The following CHRNE variants were observed in gnomAD, a reference collection of about 807,000 sequenced individuals.
CHRNE encodes acetylcholine receptor subunit epsilon.
A neutral mutation model predicts 56.5 loss-of-function variants in CHRNE; 58 were observed. The observed-to-expected ratio is 1.03, with a 90% confidence interval of 0.83 to 1.28. The LOEUF (loss-of-function observed/expected upper bound fraction) is 1.28. CHRNE is among the 50% of genes most tolerant of loss of function. CHRNE has a pLI of 0.00. For missense variants in CHRNE, 793 were observed against 688.9 expected (o/e 1.15, Z -1.69); for synonymous variants, 385 against 297.9 (o/e 1.29, Z -3.01).
rs55770091 is a variant in CHRNE, at chr17:4,902,744, G to C, written c.66C>G (p.Asn22Lys). 5 of 1,613,974 alleles carry C rather than the reference G, an allele frequency of 3.1e-6. No individual in the cohort carries two copies. Among genetic ancestry groups the C allele is most frequent in the South Asian group, 2.2e-5 (2 of 91,070 alleles). ...GATGGTGATAAAGACGCAGTTCCTC[G>C]TTCTTCCCCACACCCCTGCCTGCGA... ...LGLLGRGVGKNEELRLYHHLF... is the reference protein window; with the variant it reads ...LGLLGRGVGKKEELRLYHHLF... The change falls in exon 2 of 12, where the codon AAC (asparagine) becomes AAG (lysine). Residue 22 changes from asparagine to lysine, a missense_variant. Transcript: ENST00000649488. The surrounding 1 kb of genome is among the most constrained non-coding windows in gnomAD (Gnocchi z 4.0).
chr17:4,902,438 G>A lies in CHRNE; in HGVS notation c.234+12C>T. ...GGACAAGACCTCACACCATTCCCCA[G>A]ATTTGACTCACGATTCCAATCCAGA... is the stretch of plus-strand genomic sequence containing the variant. On this transcript the variant is annotated intron_variant, in intron 3 of 11. Coordinates refer to ENST00000649488, the MANE Select transcript of CHRNE (RefSeq NM_000080.4). This position sits in a 1 kb window ranked among gnomAD's most constrained non-coding sequence, Gnocchi z 4.0. The A allele has an allele frequency of 6.2e-7, 1 of 1,614,204 alleles. No homozygotes were observed. Among genetic ancestry groups the A allele is most frequent in the South Asian group, 1.1e-5 (1 of 91,088 alleles).
Position 4,899,219 on chromosome 17 carries a change from G to T in CHRNE, c.1198C>A (p.His400Asn), listed in dbSNP as rs1352230939. 6.2e-7 allele frequency: 1 copy of T among 1,606,386 alleles called. No homozygotes were observed. Among genetic ancestry groups the T allele is most frequent in the African/African-American group, 1.3e-5 (1 of 74,920 alleles). Residue 400 changes from histidine (H) to asparagine (N), a missense_variant, in exon 10 of 12, where the codon CAC becomes AAC. Transcript: ENST00000649488. The part of the protein sequence containing the change: ...RSELVFEGQR[H>N]RQGTWTAAFC... ...TCACCCGTCCAGGTCCCCTGCCGGT[G>T]CCTCTGCCCCTCAAACACGAGCTCG...
Position 4,901,949 on chromosome 17 carries a change from G to T in CHRNE, c.483C>A (p.Asn161Lys), listed in dbSNP as rs1268757188. ...CTTCCCACCGGAAAATAAGCGAACA[G>T]TTCTGCCAATCGAAGGGGAAGTAGG... ...EVTYFPFDWQNCSLIFRSQTY... is the reference protein window; with the variant it reads ...EVTYFPFDWQKCSLIFRSQTY... Residue 161 changes from asparagine to lysine, a missense_variant, in exon 5 of 12, where the codon AAC becomes AAA. Coordinates refer to ENST00000649488, the MANE Select transcript of CHRNE (RefSeq NM_000080.4). The T allele has an allele frequency of 1.2e-6, 2 of 1,607,104 alleles. No individual in the cohort carries two copies. Among genetic ancestry groups the T allele is most frequent in the African/African-American group, 2.7e-5 (2 of 74,504 alleles).
Position 4,901,918 on chromosome 17 carries a change from G to A in CHRNE, c.500+14C>T, listed in dbSNP as rs1451355802. ...CAACAATAATCGTCCGGGCCTCGGAGTAGCTCTTCCCACCGGAAAATAAGC... is the reference window on the plus strand; with the variant it reads ...CAACAATAATCGTCCGGGCCTCGGAATAGCTCTTCCCACCGGAAAATAAGC... On this transcript the variant is annotated intron_variant, in intron 5 of 11. Coordinates refer to ENST00000649488, the MANE Select transcript of CHRNE (RefSeq NM_000080.4). 3 of 1,612,808 alleles carry A rather than the reference G, an allele frequency of 1.9e-6. No homozygotes were observed. Among genetic ancestry groups the A allele is most frequent in the Non-Finnish European group, 2.5e-6 (3 of 1,179,588 alleles).
At chr17:4,903,755 C>CA (rs1327998861), upstream of CHRNE, among the ~76,000 whole-genome samples, 1 of 152,146 alleles carries the variant, frequency 6.6e-6, no homozygotes, top group Non-Finnish European at 1.5e-5. Context: ...ACCTTGTGGT[C>CA]ACAGATGATA....
intron 8 of CHRNE, 94 bp downstream of exon 8, chr17:4,900,699 G>A: frequency 2.0e-6 from 3 of 1,471,900 alleles, no homozygotes; most frequent in Non-Finnish European, 2.8e-6. Flanking sequence ...CCAGGGCGGG[G>A]CGAGACAGCC....
chr17:4,900,744 GCCCCCACCCTTCACACTGGCCACA>G (rs775985643), intron 8 of CHRNE, 25 bp downstream of exon 8: 2 of 1,565,924 alleles, frequency 1.3e-6, no homozygotes, highest in Non-Finnish European at 1.7e-6. Context: ...TTTTGGCCAC[GCCCCCACCCTTCACACTGGCCACA>G]CCCCCGCGGG....
intron 9 of CHRNE, 38 bp downstream of exon 9, chr17:4,899,430 C>CACCCCGACCCGGGCT (rs753193995): frequency 3.0e-5 from 47 of 1,551,346 alleles, no homozygotes; most frequent in Non-Finnish European, 3.9e-5. Flanking sequence ...TACGAAGCCC[C>CACCCCGACCCGGGCT]ACCCCGACCC....
intron 8 of CHRNE, chr17:4,900,550 G>T: frequency 6.4e-7 from 1 of 1,550,442 alleles, no homozygotes; most frequent in Non-Finnish European, 8.7e-7. Context: ...GAGGCGGCGG[G>T]GCTAGGGAGG....
Position 4,902,391 on chromosome 17 carries a change from T to C in CHRNE, c.234+59A>G. The C allele has an allele frequency of 1.2e-6, 2 of 1,612,450 alleles. No homozygotes were observed. Among genetic ancestry groups the C allele is most frequent in the Non-Finnish European group, 1.7e-6 (2 of 1,179,178 alleles). On this transcript the variant is annotated intron_variant, in intron 3 of 11. Coordinates refer to ENST00000649488, the MANE Select transcript of CHRNE (RefSeq NM_000080.4). The surrounding 1 kb of genome is among the most constrained non-coding windows in gnomAD (Gnocchi z 4.0). ...CCCACCTGGCGCTGCCTGGGAGGGG[T>C]TTGGGGGAAAAGGGGTGCCCTGGAC...
In CHRNE at chr17:4,900,702, A is replaced by C. The variant is rs377633497; in HGVS notation, c.917+91T>G. 1,882 of 1,471,150 alleles carry C rather than the reference A, an allele frequency of 1.3e-3. 46 individuals carry two copies. The South Asian group carries it at 0.022, about 17-fold the overall frequency. 91.1% of individuals were successfully genotyped at this position (1,471,150 alleles called of 1,614,324 possible). ...TCCGAATAAAGCCCAGGGCGGGGCG[A>C]GACAGCCAGAGCTTTTCCCGGGGTC... On this transcript the variant is annotated intron_variant, in intron 8 of 11. Transcript: ENST00000649488.
At chr17:4,904,639 G>C (rs1372151977), upstream of CHRNE, among the ~76,000 whole-genome samples, 1 of 152,176 alleles carries the variant, frequency 6.6e-6, no homozygotes. Context: ...TCGGGATCCA[G>C]GGTCACACAA....
intron 8 of CHRNE, chr17:4,900,014 A>G: frequency 6.4e-7 from 1 of 1,551,540 alleles, no homozygotes; most frequent in African/African-American, 1.4e-5. Flanking sequence ...GCAGAGGTTC[A>G]GAGAGCTGAA....
chr17:4,902,022 G>C lies in CHRNE; in HGVS notation c.410C>G (p.Thr137Arg), dbSNP rs146089157. 1.2e-6 allele frequency: 2 copies of C among 1,614,110 alleles called. No individual in the cohort carries two copies. Among genetic ancestry groups the C allele is most frequent in the African/African-American group, 1.3e-5 (1 of 75,076 alleles). Residue 137 changes from threonine to arginine, a missense_variant, in exon 5 of 12, where the codon ACG (threonine) becomes AGG (arginine). Physicochemically the swap from Thr to Arg is moderately conservative, Grantham distance 71 (BLOSUM62 -1). Coordinates refer to ENST00000649488, the MANE Select transcript of CHRNE (RefSeq NM_000080.4). This position sits in a 1 kb window ranked among gnomAD's most constrained non-coding sequence, Gnocchi z 4.0. ...GCGGTAGATGGCCGGAGGCAGCCACGTCACGGAGCCGCCCTCGTAGACGAG... is the reference window on the plus strand; with the variant it reads ...GCGGTAGATGGCCGGAGGCAGCCACCTCACGGAGCCGCCCTCGTAGACGAG... ...NVLVYEGGSVTWLPPAIYRSV... is the reference protein window; with the variant it reads ...NVLVYEGGSVRWLPPAIYRSV...
In CHRNE at chr17:4,902,067, A is replaced by T. The variant is rs1189824314; in HGVS notation, c.365T>A (p.Val122Glu). 3.1e-6 allele frequency: 5 copies of T among 1,613,830 alleles called. No individual in the cohort carries two copies. Among genetic ancestry groups the T allele is most frequent in the Non-Finnish European group, 3.4e-6 (4 of 1,179,998 alleles). Residue 122 changes from valine (V) to glutamate (E), a missense_variant, in exon 5 of 12, where the codon GTG becomes GAG. Coordinates refer to ENST00000649488, the MANE Select transcript of CHRNE (RefSeq NM_000080.4). This position sits in a 1 kb window ranked among gnomAD's most constrained non-coding sequence, Gnocchi z 4.0. Reference protein sequence around the residue: ...LENNIDGQFGVAYDANVLVYE... With the variant: ...LENNIDGQFGEAYDANVLVYE... ...GACGAGCACGTTGGCGTCGTAGGCC[A>T]CTCCGAACTGGCCATCAATACTGTG...
chr17:4,905,889 G>C (rs1970087461), upstream of CHRNE, among the ~76,000 whole-genome samples: 1 of 152,116 alleles, frequency 6.6e-6, no homozygotes, highest in African/African-American at 2.4e-5. Context: ...GTTTCTCCTA[G>C]GTTTCCTGTA....
intron 8 of CHRNE, 114 bp downstream of exon 8, chr17:4,900,679 C>G: frequency 6.9e-7 from 1 of 1,449,304 alleles, no homozygotes; most frequent in Non-Finnish European, 9.4e-7. Flanking sequence ...ACCCAGCGTC[C>G]GAATAAAGCC....
Position 4,898,960 on chromosome 17 carries a change from GGCCTCTGCCTCGCTCCACCC to G in CHRNE, c.1326+21_1326+40del, listed in dbSNP as rs147753790. The G allele has an allele frequency of 0.1, 158,883 of 1,560,684 alleles. 15,467 individuals carry two copies. Among genetic ancestry groups the G allele is most frequent in the East Asian group, 0.5 (21,613 of 43,018 alleles). ...GCCAGCGGCATGGGAGACAGTGGTG[GGCCTCTGCCTCGCTCCACCC>G]GCCTCTGGCTCCTGTCCCACCTCGC... On this transcript the variant is annotated intron_variant, in intron 11 of 11. Transcript: ENST00000649488.
rs2151098586 is a variant in CHRNE at position 4,902,309 on chromosome 17, T to C, written c.252A>G (p.Arg84=). 1.2e-6 allele frequency: 2 copies of C among 1,613,930 alleles called. No homozygotes were observed. The highest frequency in any genetic ancestry group is 1.1e-5 in the South Asian group (1 of 91,074). ...VWIGIDWQDY[R]LNYSKDDFGG... ...CAAAGTCGTCCTTGCTGTAGTTGAG[T>C]CGGTAATCCTGCCAATCCTAAGGGG... Residue 84 remains arginine, a synonymous_variant, in exon 4 of 12, where the codon CGA becomes CGG. Transcript: ENST00000649488. This position sits in a 1 kb window ranked among gnomAD's most constrained non-coding sequence, Gnocchi z 4.0.
Sources: gnomAD v4.1 joint callset for allele counts (sites outside exome capture counted in the v4.1 genomes callset) on GRCh38, gnomAD v4.1.1 for gene constraint, Gnocchi (gnomAD v3.1) non-coding constraint, MANE v1.5 for transcripts, NCBI Gene and HGNC (gene_info 2026-07-23, HGNC 2026-07-21) for gene names.